Variants in PDSS2 observed in about 807,000 individuals in gnomAD.
PDSS2 encodes the protein all trans-polyprenyl-diphosphate synthase PDSS2.
PDSS2 carries 31 observed loss-of-function variants against 44.5 expected under a neutral mutation model. That is an observed-to-expected ratio of 0.70 (90% CI 0.52 to 0.94). The LOEUF (loss-of-function observed/expected upper bound fraction) is 0.94. Ranked by LOEUF, PDSS2 falls within the 40% of genes least tolerant of loss-of-function variation. PDSS2 has a pLI of 0.00. For synonymous variants in PDSS2, 157 were observed against 180.3 expected, an observed-to-expected ratio of 0.87 and a Z score of 1.03; for missense variants, 452 against 482.2, an observed-to-expected ratio of 0.94 and a Z score of 0.59.
At chr6:107,325,099 CCTT>C (rs1448844056) in intron 2 of PDSS2, among the ~76,000 whole-genome samples, 6 of 152,116 alleles carry the variant, frequency 3.9e-5, no homozygotes, top group Non-Finnish European at 8.8e-5. Context: ...TCCCTTCTCT[CCTT>C]AAGATTATTT....
At chr6:107,344,575 A>T (rs1379905658) in intron 1 of PDSS2, among the ~76,000 whole-genome samples, 1 of 152,152 alleles carries the variant, frequency 6.6e-6, no homozygotes, top group African/African-American at 2.4e-5. Flanking sequence ...GCCTCACCAA[A>T]GCCCTCCCAA....
At chr6:107,331,766 T>C (rs1458378721) in intron 2 of PDSS2, among the ~76,000 whole-genome samples, 2 of 152,190 alleles carry the variant, frequency 1.3e-5, no homozygotes, top group Admixed American at 1.3e-4. Context: ...CTTACTTATG[T>C]AACAAATATT....
At chr6:107,215,215 G>A (rs1773371133) in intron 4 of PDSS2, among the ~76,000 whole-genome samples, 3 of 151,986 alleles carry the variant, frequency 2.0e-5, no homozygotes. Flanking sequence ...TATTCTTGAT[G>A]AGAAAAAATG....
chr6:107,293,432 T>C (rs1776410541), intron 2 of PDSS2, among the ~76,000 whole-genome samples: 1 of 152,218 alleles, frequency 6.6e-6, no homozygotes, highest in Non-Finnish European at 1.5e-5. Flanking sequence ...TTTTCCAAAA[T>C]ATCTGTCCCC....
chr6:107,361,195 T>C (rs1344040507), intron 1 of PDSS2, among the ~76,000 whole-genome samples: 1 of 152,226 alleles, frequency 6.6e-6, no homozygotes, highest in Admixed American at 6.5e-5. Context: ...TGATAAAAGA[T>C]ATTAAATCTA....
intron 7 of PDSS2, among the ~76,000 whole-genome samples, chr6:107,187,835 T>C (rs1772226568): frequency 6.6e-6 from 1 of 152,146 alleles, no homozygotes; most frequent in Non-Finnish European, 1.5e-5. Context: ...GATGCAACCA[T>C]GAGCAAGGCC....
intron 1 of PDSS2, among the ~76,000 whole-genome samples, chr6:107,405,156 T>C (rs1474226346): frequency 6.7e-6 from 1 of 149,176 alleles, no homozygotes. Flanking sequence ...AAAAAAAAAC[T>C]GTCAACTACA....
chr6:107,162,630 T>C (rs567907483), intron 7 of PDSS2, among the ~76,000 whole-genome samples: 2 of 142,480 alleles, frequency 1.4e-5, no homozygotes, highest in East Asian at 4.1e-4. Flanking sequence ...TTTTTTGAGA[T>C]GGAGTCTCAC....
intron 7 of PDSS2, among the ~76,000 whole-genome samples, chr6:107,172,332 G>C (rs1377362607): frequency 1.3e-5 from 2 of 152,214 alleles, no homozygotes; most frequent in African/African-American, 2.4e-5. Flanking sequence ...CATGGGTTCT[G>C]AGTAGTCTTA....
chr6:107,353,510 T>C (rs1778496388), intron 1 of PDSS2, among the ~76,000 whole-genome samples: 1 of 152,120 alleles, frequency 6.6e-6, no homozygotes, highest in African/African-American at 2.4e-5. Context: ...TAACTAAGCA[T>C]GGTAAGCCAT....
intron 4 of PDSS2, among the ~76,000 whole-genome samples, chr6:107,219,449 G>A (rs577266989): frequency 2.6e-5 from 4 of 151,948 alleles, no homozygotes; most frequent in African/African-American, 4.8e-5. Context: ...CACTACACCC[G>A]GCTAATTTTT....
intron 3 of PDSS2, among the ~76,000 whole-genome samples, chr6:107,260,651 C>T (rs1775182235): frequency 1.4e-5 from 2 of 145,650 alleles, no homozygotes; most frequent in African/African-American, 2.5e-5. Context: ...ATCAGTCTTC[C>T]CCCTTCATTT....
chr6:107,294,805 C>G (rs990777396), intron 2 of PDSS2, among the ~76,000 whole-genome samples: 2 of 152,124 alleles, frequency 1.3e-5, no homozygotes, highest in African/African-American at 4.8e-5. Context: ...AATACTTTTG[C>G]TGAGGTAAAA....
chr6:107,201,218 A>G (rs1772759034), intron 6 of PDSS2, among the ~76,000 whole-genome samples: 1 of 152,106 alleles, frequency 6.6e-6, no homozygotes, highest in Admixed American at 6.5e-5. Context: ...TCAAGAGAAA[A>G]GAAAGTAATT....
intron 4 of PDSS2, among the ~76,000 whole-genome samples, chr6:107,240,556 G>A (rs1252320490): frequency 6.6e-6 from 1 of 151,728 alleles, no homozygotes; most frequent in Non-Finnish European, 1.5e-5. Flanking sequence ...GCACCACCAA[G>A]CCCAGCTTTT....
intron 4 of PDSS2, among the ~76,000 whole-genome samples, chr6:107,221,448 G>A (rs1250000787): frequency 7.3e-6 from 1 of 137,124 alleles, no homozygotes. Context: ...TACATTCAGT[G>A]AATATTTACT....
rs375305828 is a variant in PDSS2, at chr6:107,160,143, G to T, written c.1042-5366C>A. On this transcript the variant is annotated intron_variant, in intron 7 of 7. Transcript: ENST00000369037. Reference sequence around the variant, plus strand: ...AGGCAGGAGAATTGCTTGAACTCAGGAAGTGGAGGTTACAGTGGGCCAAAG... The same window carrying T: ...AGGCAGGAGAATTGCTTGAACTCAGTAAGTGGAGGTTACAGTGGGCCAAAG... Among the ~76,000 whole-genome samples the T allele has an allele frequency of 3.3e-5, 5 of 152,326 alleles. No individual in the cohort carries two copies. The South Asian group carries it at 6.2e-4, about 19-fold the overall frequency.
Position 107,401,309 on chromosome 6 carries a change from C to T in PDSS2, c.296+57681G>A, listed in dbSNP as rs554877150. ...ATTTGAGAAAGCTGCTGCATTAAGG[C>T]TTTTTATAACCAAGGAAATTATACA... On this transcript the variant is annotated intron_variant, in intron 1 of 7. Coordinates refer to ENST00000369037, the MANE Select transcript of PDSS2 (RefSeq NM_020381.4). Among the ~76,000 whole-genome samples, 4 of 152,236 alleles carry T rather than the reference C, an allele frequency of 2.6e-5. No individual in the cohort carries two copies. The East Asian group carries it at 7.7e-4, about 29-fold the overall frequency.
intron 1 of PDSS2, among the ~76,000 whole-genome samples, chr6:107,390,950 T>C (rs1779759960): frequency 6.6e-6 from 1 of 151,982 alleles, no homozygotes; most frequent in Non-Finnish European, 1.5e-5. Flanking sequence ...CTAACTGGAT[T>C]CTATCATAGC....
Sources: gnomAD v4.1 joint callset for allele counts (sites outside exome capture counted in the v4.1 genomes callset) on GRCh38, gnomAD v4.1.1 for gene constraint, MANE v1.5 for transcripts, NCBI Gene and HGNC (gene_info 2026-07-23, HGNC 2026-07-21) for gene names.